Variants in AHRR observed in about 807,000 individuals in gnomAD.
AHRR encodes the protein aryl hydrocarbon receptor repressor.
A neutral mutation model predicts 44.0 loss-of-function variants in AHRR; 28 were observed. The ratio of observed to expected loss-of-function variants is 0.64; its 90% CI spans 0.47 to 0.87. AHRR has a LOEUF of 0.87. AHRR is among the 40% of genes least tolerant of loss of function. The pLI, the probability that AHRR is intolerant of heterozygous loss-of-function variation, is 0.00. For synonymous variants in AHRR, 434 were observed against 407.0 expected, an observed-to-expected ratio of 1.07 and a Z score of -0.80; for missense variants, 990 against 953.9, an observed-to-expected ratio of 1.04 and a Z score of -0.50.
intron 4 of AHRR, chr5:403,877 G>A (rs1364861722): frequency 6.9e-6 from 11 of 1,589,420 alleles, no homozygotes; most frequent in Non-Finnish European, 9.5e-6. Context: ...TTTCCTCCTT[G>A]AACAGCTTGT....
At chr5:355,171 T>C (rs62331563) in intron 3 of AHRR, among the ~76,000 whole-genome samples, 10,605 of 152,254 alleles carry the variant, frequency 0.07, 504 homozygotes, top group African/African-American at 0.13. Context: ...CTGGGTGGTG[T>C]TGGACTCAGT....
chr5:429,320 AG>A (rs1237031928), intron 8 of AHRR, among the ~76,000 whole-genome samples: 1 of 138,074 alleles, frequency 7.2e-6, no homozygotes. Context: ...GGAGTGAGGT[AG>A]GGCCGGGGCC....
chr5:406,680 A>G lies in AHRR; in HGVS notation c.352-6664A>G, dbSNP rs1464019288. On this transcript the variant is annotated intron_variant, in intron 4 of 10. Transcript: ENST00000684583. This position sits in a 1 kb window ranked among gnomAD's most constrained non-coding sequence, Gnocchi z 4.7. ...TGCAGGCAGCTCAAAGGAGAAACGC[A>G]GCCCCTTCTCCCCTGTGAAACTGCA... Among the ~76,000 whole-genome samples, 1 of 152,230 alleles carries G rather than the reference A, an allele frequency of 6.6e-6. No individual in the cohort carries two copies. Among genetic ancestry groups the G allele is most frequent in the Non-Finnish European group, 1.5e-5 (1 of 68,032 alleles).
chr5:416,714 T>C (rs1735829893), intron 5 of AHRR, among the ~76,000 whole-genome samples: 1 of 152,188 alleles, frequency 6.6e-6, no homozygotes, highest in African/African-American at 2.4e-5. Flanking sequence ...GTTGGGTCCG[T>C]AGGCGTTTGC....
rs1004407740 is a variant in AHRR, at chr5:436,987, C to A, written c.*2153C>A. On this transcript the variant is annotated 3_prime_UTR_variant, in exon 11 of 11. Coordinates refer to ENST00000684583, the MANE Select transcript of AHRR (RefSeq NM_001377236.1). Reference sequence around the variant, plus strand: ...TAAGACCAGGATGGTATTTCAGAAGCTTCCCACTTCCTTCCTATTCTAACC... The same window carrying A: ...TAAGACCAGGATGGTATTTCAGAAGATTCCCACTTCCTTCCTATTCTAACC... 1 of 152,428 alleles carries A rather than the reference C, an allele frequency of 6.6e-6. No individual in the cohort carries two copies. The highest frequency in any genetic ancestry group is 1.5e-5 in the Non-Finnish European group (1 of 68,086). The allele number at this position is 152,428 out of a possible 1,614,324, so 9.4% of individuals were successfully genotyped here. A position where few individuals can be genotyped will look rare whatever the true frequency, so the allele number is the denominator to read the frequency against.
intron 7 of AHRR, among the ~76,000 whole-genome samples, chr5:426,395 A>AATGG (rs1216435466): frequency 3.0e-5 from 4 of 133,156 alleles, no homozygotes; most frequent in Admixed American, 3.0e-4. Context: ...AAGATGGATG[A>AATGG]ATGGATGGAT....
chr5:372,151 C>G (rs1372288825), intron 3 of AHRR, among the ~76,000 whole-genome samples: 6 of 152,252 alleles, frequency 3.9e-5, no homozygotes, highest in African/African-American at 1.4e-4. Flanking sequence ...GCTCAGCACA[C>G]AGCCCCTCAG....
In AHRR at chr5:342,194, T is replaced by G. The variant is rs1204506729; in HGVS notation, c.-10-1699T>G. ...GAGTGTTTTATAAATTTCCATTAAT[T>G]CAAGTCTGTTGTCGTTTGGATATTC... On this transcript the variant is annotated intron_variant, in intron 1 of 10. Transcript: ENST00000684583. This position sits in a 1 kb window ranked among gnomAD's most constrained non-coding sequence, Gnocchi z 4.3. Among the ~76,000 whole-genome samples, 1 of 152,230 alleles carries G rather than the reference T, an allele frequency of 6.6e-6. No homozygotes were observed. The highest frequency in any genetic ancestry group is 1.5e-5 in the Non-Finnish European group (1 of 68,044).
intron 3 of AHRR, among the ~76,000 whole-genome samples, chr5:359,695 G>A (rs1743107827): frequency 1.3e-5 from 2 of 152,064 alleles, no homozygotes; most frequent in Non-Finnish European, 1.5e-5. Context: ...TGTGGGGCCT[G>A]AACACACACC....
At chr5:371,238 C>T (rs1017753974) in intron 3 of AHRR, among the ~76,000 whole-genome samples, 1 of 152,220 alleles carries the variant, frequency 6.6e-6, no homozygotes, top group Non-Finnish European at 1.5e-5. Context: ...TCACCGAGCC[C>T]ACGGATTCAA....
intron 4 of AHRR, among the ~76,000 whole-genome samples, chr5:410,401 G>A (rs548320924): frequency 2.0e-4 from 31 of 152,062 alleles, no homozygotes; most frequent in Admixed American, 1.8e-3. Flanking sequence ...TTGTAGAGAC[G>A]GGGTCTCACT....
At chr5:363,240 G>A (rs774193064) in intron 3 of AHRR, among the ~76,000 whole-genome samples, 10 of 152,212 alleles carry the variant, frequency 6.6e-5, no homozygotes, top group Admixed American at 3.3e-4. Flanking sequence ...GACAGGAGAG[G>A]TTCTGTATGG....
In AHRR at chr5:434,306, G is replaced by A. The variant is rs374134517; in HGVS notation, c.1566G>A (p.Leu522=). Residue 522 remains leucine, a synonymous_variant, in exon 11 of 11, where the codon CTG becomes CTA. Coordinates refer to ENST00000684583, the MANE Select transcript of AHRR (RefSeq NM_001377236.1). ...LQGVPMPPGD[L]CGPTLLLDVS... is the part of the protein sequence containing the mutation. Reference sequence around the variant, plus strand: ...GTGTACCGATGCCTCCGGGGGACCTGTGTGGTCCGACGCTGCTGCTAGATG... The same window carrying A: ...GTGTACCGATGCCTCCGGGGGACCTATGTGGTCCGACGCTGCTGCTAGATG... 17 of 1,610,298 alleles carry A rather than the reference G, an allele frequency of 1.1e-5. No individual in the cohort carries two copies. Among genetic ancestry groups the A allele is most frequent in the East Asian group, 2.2e-5 (1 of 44,820 alleles).
chr5:422,623 C>T (rs1464359792), intron 5 of AHRR, 106 bp from the exon 6 acceptor site: 1 of 1,485,870 alleles, frequency 6.7e-7, no homozygotes, highest in Non-Finnish European at 9.4e-7. Flanking sequence ...GTGGCTGTGA[C>T]TTGCTTTGAC....
chr5:368,948 G>A (rs896904015), intron 3 of AHRR, among the ~76,000 whole-genome samples: 1 of 151,870 alleles, frequency 6.6e-6, no homozygotes, highest in Non-Finnish European at 1.5e-5. Flanking sequence ...GCAACTTGAT[G>A]CAGTATGTGT....
chr5:352,976 G>A (rs144162886), intron 2 of AHRR, among the ~76,000 whole-genome samples: 7 of 152,236 alleles, frequency 4.6e-5, no homozygotes, highest in South Asian at 2.1e-4. Flanking sequence ...AGAGGGTCAC[G>A]CCAAGCTCCT....
In AHRR at chr5:404,083, G is replaced by A. The variant is rs1395826264; in HGVS notation, c.352-9261G>A. The A allele has an allele frequency of 1.6e-6, 1 of 642,668 alleles. No homozygotes were observed. The highest frequency in any genetic ancestry group is 3.1e-5 in the East Asian group (1 of 31,810). The allele number at this position is 642,668 out of a possible 1,614,324, so 39.8% of individuals were successfully genotyped here. A position where few individuals can be genotyped will look rare whatever the true frequency, so the allele number is the denominator to read the frequency against. The stretch of plus-strand genomic sequence containing the variant: ...ATGTTGTCCAGCGTTTGAAGAAAAA[G>A]TCAGTTCCGTTGTCAGGGTTGGTCC... On this transcript the variant is annotated intron_variant, in intron 4 of 10. Coordinates refer to ENST00000684583, the MANE Select transcript of AHRR (RefSeq NM_001377236.1). The surrounding 1 kb of genome is among the most constrained non-coding windows in gnomAD (Gnocchi z 4.1).
intron 1 of AHRR, among the ~76,000 whole-genome samples, chr5:333,083 A>G (rs1579587825): frequency 6.6e-6 from 1 of 150,738 alleles, no homozygotes; most frequent in Non-Finnish European, 1.5e-5. Flanking sequence ...GTGTCTTTTT[A>G]AAAAAATAGA....
At chr5:375,533 G>T (rs985317946) in intron 3 of AHRR, among the ~76,000 whole-genome samples, 1 of 152,226 alleles carries the variant, frequency 6.6e-6, no homozygotes, top group Admixed American at 6.5e-5. Flanking sequence ...CGTGAAGGAC[G>T]GTGTGCTGGC....
Sources: allele counts gnomAD v4.1 joint callset (sites outside exome capture counted in the v4.1 genomes callset), GRCh38; gene constraint gnomAD v4.1.1; non-coding constraint Gnocchi (gnomAD v3.1); transcripts MANE v1.5; gene names NCBI Gene and HGNC (gene_info 2026-07-23, HGNC 2026-07-21).